PBRM1: variants seen among roughly 807,000 people sequenced by gnomAD.
The protein encoded by PBRM1 is protein polybromo-1.
A neutral mutation model predicts 194.5 loss-of-function variants in PBRM1; 27 were observed. That is an observed-to-expected ratio of 0.14 (90% CI 0.10 to 0.19). The LOEUF (loss-of-function observed/expected upper bound fraction) is 0.19. PBRM1 is among the 10% of genes least tolerant of loss of function. The pLI is 1.00. For missense variants in PBRM1, 1,466 were observed against 2,077.2 expected (o/e 0.71, Z 5.72); for synonymous variants, 655 against 693.2 (o/e 0.94, Z 0.87).
intron 3 of PBRM1, among the ~76,000 whole-genome samples, chr3:52,665,362 G>C (rs1035217576): frequency 6.6e-6 from 1 of 150,968 alleles, no homozygotes; most frequent in Non-Finnish European, 1.5e-5. Flanking sequence ...TGGGGTCTTA[G>C]TACACTGCCT....
chr3:52,660,806 C>T (rs1224365638), intron 4 of PBRM1, among the ~76,000 whole-genome samples: 2 of 152,042 alleles, frequency 1.3e-5, no homozygotes, highest in African/African-American at 4.8e-5. Context: ...AGCCACAGCA[C>T]CTGACTAGGA....
intron 22 of PBRM1, among the ~76,000 whole-genome samples, chr3:52,568,746 A>G (rs1027423179): frequency 1.3e-5 from 2 of 152,198 alleles, no homozygotes; most frequent in African/African-American, 2.4e-5. Context: ...CTTTTACCAT[A>G]TATTTGCTAA....
intron 2 of PBRM1, among the ~76,000 whole-genome samples, chr3:52,672,289 A>T (rs193142213): frequency 6.6e-6 from 1 of 152,094 alleles, no homozygotes; most frequent in Admixed American, 6.6e-5. Flanking sequence ...ATTACACTGG[A>T]CCCACATGGA....
At chr3:52,637,824 A>G (rs1232168910) in intron 10 of PBRM1, among the ~76,000 whole-genome samples, 1 of 147,090 alleles carries the variant, frequency 6.8e-6, no homozygotes, top group Non-Finnish European at 1.5e-5. Context: ...ACGGGCTCCT[A>G]TAATCCTAGC....
intron 16 of PBRM1, among the ~76,000 whole-genome samples, chr3:52,607,791 T>A (rs1306477767): frequency 2.0e-5 from 3 of 152,224 alleles, no homozygotes; most frequent in Non-Finnish European, 4.4e-5. Flanking sequence ...AGTTTTTGAC[T>A]GCAAGATGTC....
intron 16 of PBRM1, among the ~76,000 whole-genome samples, chr3:52,606,912 G>T (rs1433678761): frequency 1.3e-5 from 2 of 152,162 alleles, no homozygotes; most frequent in African/African-American, 4.8e-5. Context: ...ATTGTCACCT[G>T]AGTGAATTTT....
intron 4 of PBRM1, among the ~76,000 whole-genome samples, chr3:52,660,495 G>T (rs1013521632): frequency 2.0e-5 from 3 of 151,680 alleles, no homozygotes; most frequent in Non-Finnish European, 4.4e-5. Context: ...TATATATTTT[G>T]TGTATATCTA....
intron 24 of PBRM1, 45 bp downstream of exon 26, chr3:52,563,238 C>T (rs1298687208): frequency 6.7e-7 from 1 of 1,502,152 alleles, no homozygotes; most frequent in African/African-American, 1.4e-5. Flanking sequence ...CTGCTGCAAA[C>T]CAAAGGTGGT....
At chr3:52,639,970 T>C (rs2096007909) in intron 10 of PBRM1, among the ~76,000 whole-genome samples, 1 of 152,240 alleles carries the variant, frequency 6.6e-6, no homozygotes, top group Admixed American at 6.5e-5. Context: ...CTTCATTCGT[T>C]TTCTGTTTAG....
At chr3:52,602,894 G>A (rs974185370) in intron 17 of PBRM1, among the ~76,000 whole-genome samples, 1 of 152,074 alleles carries the variant, frequency 6.6e-6, no homozygotes, top group African/African-American at 2.4e-5. Context: ...AAAAATCTAC[G>A]GAGGAGATTT....
At chr3:52,612,258 C>CAAAAAAAAAAAAAAAAAAAAAAAAAAAAA (rs566481465) in intron 15 of PBRM1, among the ~76,000 whole-genome samples, 3 of 24,012 alleles carry the variant, frequency 1.2e-4, no homozygotes, top group Non-Finnish European at 2.3e-4. Context: ...GATTCCGTCT[C>CAAAAAAAAAAAAAAAAAAAAAAAAAAAAA]AAAAAAAAAA....
chr3:52,637,854 G>C (rs2095884596), intron 10 of PBRM1, among the ~76,000 whole-genome samples: 1 of 149,780 alleles, frequency 6.7e-6, no homozygotes. Flanking sequence ...GCTGAGGCAG[G>C]AGAATCACTT....
chr3:52,599,235 C>T (rs1394459688), intron 17 of PBRM1, among the ~76,000 whole-genome samples: 3 of 151,914 alleles, frequency 2.0e-5, no homozygotes, highest in African/African-American at 2.4e-5. Context: ...TGTGATATTT[C>T]GATAACATGG....
At chr3:52,561,687 AGAG>A (rs1461305334) in intron 25 of PBRM1, 77 bp downstream of exon 27, 1 of 1,224,414 alleles carries the variant, frequency 8.2e-7, no homozygotes, top group African/African-American at 1.5e-5. Flanking sequence ...GGTAAGAACA[AGAG>A]TAAAACCTGT....
chr3:52,624,388 C>T (rs2095376858), intron 13 of PBRM1, among the ~76,000 whole-genome samples: 1 of 152,176 alleles, frequency 6.6e-6, no homozygotes, highest in Admixed American at 6.5e-5. Flanking sequence ...TCATAAGTAA[C>T]ATGCAAAAGA....
At chr3:52,620,124 T>G (rs2095204580) in intron 13 of PBRM1, among the ~76,000 whole-genome samples, 1 of 152,248 alleles carries the variant, frequency 6.6e-6, no homozygotes, top group Non-Finnish European at 1.5e-5. Flanking sequence ...GGAAGAGTTC[T>G]CTCATTCTAA....
chr3:52,677,615 G>A (rs879609944), intron 2 of PBRM1, among the ~76,000 whole-genome samples: 8 of 152,124 alleles, frequency 5.3e-5, no homozygotes, highest in African/African-American at 9.7e-5. Flanking sequence ...GTTTCACCAC[G>A]TTGGCCAGGC....
At chr3:52,569,831 T>C in intron 22 of PBRM1, among the ~76,000 whole-genome samples, 1 of 152,266 alleles carries the variant, frequency 6.6e-6, no homozygotes, top group East Asian at 1.9e-4. Flanking sequence ...CTGTTTGCCA[T>C]GATTTCTTAG....
At chr3:52,643,971 CA>C (rs200809944) in intron 8 of PBRM1, among the ~76,000 whole-genome samples, 46 of 138,556 alleles carry the variant, frequency 3.3e-4, no homozygotes, top group Middle Eastern at 3.8e-3. Context: ...GACTCTGTCT[CA>C]AAAAAAAAAA....
Sources: gnomAD v4.1 joint callset for allele counts (sites outside exome capture counted in the v4.1 genomes callset) on GRCh38, gnomAD v4.1.1 for gene constraint, MANE v1.5 for transcripts, NCBI Gene and HGNC (gene_info 2026-07-23, HGNC 2026-07-21) for gene names.